EPB41L4A: variants seen among roughly 807,000 people sequenced by gnomAD.
EPB41L4A encodes band 4.1-like protein 4A.
In EPB41L4A, 100 loss-of-function variants were observed where a neutral mutation model predicts 108.6. The observed-to-expected ratio is 0.92, with a 90% CI of 0.78 to 1.09. The LOEUF (loss-of-function observed/expected upper bound fraction) is 1.09, where lower values mean the gene tolerates loss of function less well. Ranked by LOEUF, EPB41L4A falls within the 50% of genes least tolerant of loss-of-function variation. EPB41L4A has a pLI of 0.00. For missense variants in EPB41L4A, 1,030 were observed against 842.7 expected (o/e 1.22, Z -2.75); for synonymous variants, 319 against 289.0 (o/e 1.10, Z -1.05).
chr5:112,248,358 T>C (rs909500349), intron 9 of EPB41L4A, among the ~76,000 whole-genome samples: 5 of 152,232 alleles, frequency 3.3e-5, no homozygotes, highest in Non-Finnish European at 7.3e-5. Flanking sequence ...AGCTGCTTAA[T>C]TAAAGAAGTT....
intron 1 of EPB41L4A, among the ~76,000 whole-genome samples, chr5:112,399,033 T>C (rs1018095930): frequency 1.3e-5 from 2 of 151,994 alleles, no homozygotes; most frequent in African/African-American, 4.8e-5. Context: ...AAATGTACAC[T>C]GTGAGACCAA....
intron 1 of EPB41L4A, among the ~76,000 whole-genome samples, chr5:112,400,975 C>A (rs1185891251): frequency 2.0e-5 from 3 of 152,044 alleles, no homozygotes. Flanking sequence ...TATGAAGTAG[C>A]CCTAATGATG....
chr5:112,209,493 A>C (rs1395602236), intron 13 of EPB41L4A, among the ~76,000 whole-genome samples: 1 of 152,248 alleles, frequency 6.6e-6, no homozygotes, highest in Non-Finnish European at 1.5e-5. Flanking sequence ...CCCTCTTTCC[A>C]GGGCTACAGT....
intron 1 of EPB41L4A, among the ~76,000 whole-genome samples, chr5:112,396,214 G>T (rs949506669): frequency 6.6e-6 from 1 of 151,894 alleles, no homozygotes; most frequent in Admixed American, 6.6e-5. Flanking sequence ...AAACCTGCAC[G>T]TTGTGCACAT....
chr5:112,252,945 T>C (rs1425112303), intron 9 of EPB41L4A, among the ~76,000 whole-genome samples: 1 of 152,152 alleles, frequency 6.6e-6, no homozygotes, highest in Non-Finnish European at 1.5e-5. Flanking sequence ...GAGAAGGCAG[T>C]GCTCTTGTTT....
intron 12 of EPB41L4A, among the ~76,000 whole-genome samples, chr5:112,147,660 G>A (rs1176785671): frequency 2.0e-5 from 3 of 147,820 alleles, no homozygotes; most frequent in Non-Finnish European, 4.5e-5. Flanking sequence ...AAAAAGATTA[G>A]CAAATCCATA....
chr5:112,188,428 G>A (rs1430236911), intron 17 of EPB41L4A, among the ~76,000 whole-genome samples: 4 of 151,992 alleles, frequency 2.6e-5, no homozygotes, highest in South Asian at 2.1e-4. Flanking sequence ...TACCTCTGGC[G>A]CAATTTCCCT....
At position 112,260,058 on chromosome 5, in the gene EPB41L4A, T is replaced by C. The variant is rs1751391628; in HGVS notation, c.643-79A>G. 16 of 1,044,736 alleles carry C rather than the reference T, an allele frequency of 1.5e-5. No homozygotes were observed. In the South Asian group the frequency reaches 1.8e-4, roughly 11 times the overall value. The allele number at this position is 1,044,736 out of a possible 1,614,324, so 64.7% of individuals were successfully genotyped here. ...CAAACTATAATTGACCATACAAATA[T>C]AATTTGTTACATTAATATTGGATTT... On this transcript the variant is annotated intron_variant, in intron 7 of 22. Transcript: ENST00000261486.
intron 4 of EPB41L4A, among the ~76,000 whole-genome samples, chr5:112,266,616 C>G (rs539735153): frequency 6.6e-6 from 1 of 152,312 alleles, no homozygotes; most frequent in East Asian, 1.9e-4. Context: ...TGCTTAACCT[C>G]TACAACAGCC....
chr5:112,151,405 A>C (rs1379844063), intron 12 of EPB41L4A, among the ~76,000 whole-genome samples: 1 of 149,208 alleles, frequency 6.7e-6, no homozygotes, highest in Non-Finnish European at 1.5e-5. Flanking sequence ...TTTGTATATT[A>C]TTTTATTTTT....
chr5:112,348,316 G>T (rs1220423343), intron 1 of EPB41L4A, among the ~76,000 whole-genome samples: 4 of 152,048 alleles, frequency 2.6e-5, no homozygotes, highest in African/African-American at 4.8e-5. Flanking sequence ...ATTTTTCCTA[G>T]TAGCCTATAA....
At chr5:112,162,541 T>C (rs914570632), downstream of EPB41L4A, 1 of 152,236 alleles carries the variant, frequency 6.6e-6, no homozygotes, top group Admixed American at 6.5e-5. Flanking sequence ...ACTCAATGCG[T>C]ATTTTTCCTC....
intron 12 of EPB41L4A, among the ~76,000 whole-genome samples, chr5:112,221,925 T>C (rs1386723184): frequency 6.6e-6 from 1 of 152,212 alleles, no homozygotes; most frequent in East Asian, 1.9e-4. Flanking sequence ...TTAATAAATC[T>C]TTTACAGATG....
chr5:112,214,535 G>T (rs952964538), intron 12 of EPB41L4A, among the ~76,000 whole-genome samples: 1 of 152,002 alleles, frequency 6.6e-6, no homozygotes, highest in Non-Finnish European at 1.5e-5. Context: ...AGGCCGAGGC[G>T]GGCGGATCAT....
intron 12 of EPB41L4A, among the ~76,000 whole-genome samples, chr5:112,221,708 A>G (rs1748063256): frequency 6.6e-6 from 1 of 152,220 alleles, no homozygotes; most frequent in African/African-American, 2.4e-5. Context: ...AGAGGTGCCC[A>G]ATAAATTCTT....
At chr5:112,231,984 G>A (rs764034686) in intron 12 of EPB41L4A, among the ~76,000 whole-genome samples, 61 of 151,588 alleles carry the variant, frequency 4.0e-4, no homozygotes, top group Non-Finnish European at 5.9e-4. Context: ...GCGTGGTGGC[G>A]TATGCCTGTA....
At chr5:112,376,012 A>G (rs1260352745) in intron 1 of EPB41L4A, among the ~76,000 whole-genome samples, 1 of 152,178 alleles carries the variant, frequency 6.6e-6, no homozygotes, top group African/African-American at 2.4e-5. Context: ...GCATAAATAA[A>G]AACAAAAACC....
intron 12 of EPB41L4A, among the ~76,000 whole-genome samples, chr5:112,219,595 A>T (rs1427978): frequency 0.77 from 117,580 of 152,170 alleles, 46,186 homozygotes; most frequent in East Asian, 1. Context: ...CTCTAAATGT[A>T]AAAAATTTCT....
At chr5:112,209,224 G>C (rs1561477194) in intron 13 of EPB41L4A, among the ~76,000 whole-genome samples, 1 of 152,220 alleles carries the variant, frequency 6.6e-6, no homozygotes, top group Non-Finnish European at 1.5e-5. Flanking sequence ...TAGAGAAAGT[G>C]AGCTCATGAA....
Sources: gnomAD v4.1 joint callset for allele counts (sites outside exome capture counted in the v4.1 genomes callset) on GRCh38, gnomAD v4.1.1 for gene constraint, MANE v1.5 for transcripts, NCBI Gene and HGNC (gene_info 2026-07-23, HGNC 2026-07-21) for gene names.